Variants in THRAP3 observed in about 807,000 individuals in gnomAD.
The protein encoded by THRAP3 is thyroid hormone receptor associated protein 3.
A neutral mutation model predicts 101.0 loss-of-function variants in THRAP3; 16 were observed. The ratio of observed to expected loss-of-function variants is 0.16; its 90% CI spans 0.11 to 0.24. THRAP3 has a LOEUF of 0.24. Among genes scored for constraint, THRAP3 ranks in the 10% least tolerant of loss-of-function variants. The pLI is 1.00. For synonymous variants in THRAP3, 407 were observed against 422.6 expected (o/e 0.96, Z 0.45); for missense variants, 989 against 1,202.7 (o/e 0.82, Z 2.63).
intron 2 of THRAP3, among the ~76,000 whole-genome samples, chr1:36,260,843 A>G (rs1315204009): frequency 1.3e-5 from 2 of 148,698 alleles, no homozygotes; most frequent in South Asian, 2.1e-4. Flanking sequence ...AAAAAAAGGC[A>G]CTCTGGTTAT....
chr1:36,273,014 C>T (rs1645610590), intron 2 of THRAP3, among the ~76,000 whole-genome samples: 1 of 152,140 alleles, frequency 6.6e-6, no homozygotes, highest in Non-Finnish European at 1.5e-5. Context: ...GAAGAGGAAG[C>T]GTGAAAGTGT....
chr1:36,271,174 G>T (rs1047101229), intron 2 of THRAP3, among the ~76,000 whole-genome samples: 3 of 152,126 alleles, frequency 2.0e-5, no homozygotes, highest in Non-Finnish European at 4.4e-5. Context: ...TGTAACTACA[G>T]ATTTCATATT....
At chr1:36,287,971 G>T in intron 4 of THRAP3, 1 of 971,346 alleles carries the variant, frequency 1.0e-6, no homozygotes, top group Non-Finnish European at 1.2e-6. Context: ...GGTCAAGAGG[G>T]ACTAACCCAG....
At position 36,268,290 on chromosome 1, in the gene THRAP3, CAG is replaced by C. The variant is rs372815840; in HGVS notation, c.-32+8808_-32+8809del. On this transcript the variant is annotated intron_variant, in intron 2 of 11. Coordinates refer to ENST00000354618, the MANE Select transcript of THRAP3 (RefSeq NM_005119.4). ...AGTTTAGTATGAATTTTCTGAGAATCAGATGACTCAGTGTGTTTTTTATCATC... is the reference window on the plus strand; with the variant it reads ...AGTTTAGTATGAATTTTCTGAGAATCATGACTCAGTGTGTTTTTTATCATC... Among the ~76,000 whole-genome samples the C allele has an allele frequency of 5.5e-3, 839 of 151,256 alleles. 9 individuals are homozygous for C. The highest frequency in any genetic ancestry group is 0.019 in the African/African-American group (784 of 41,168).
chr1:36,223,823 C>T (rs1309739210), upstream of THRAP3, among the ~76,000 whole-genome samples: 1 of 151,930 alleles, frequency 6.6e-6, no homozygotes, highest in Non-Finnish European at 1.5e-5. Flanking sequence ...CGAATGAGGT[C>T]ACACAATTAA....
At chr1:36,233,322 A>T (rs1185039289) in intron 1 of THRAP3, among the ~76,000 whole-genome samples, 1 of 151,364 alleles carries the variant, frequency 6.6e-6, no homozygotes, top group African/African-American at 2.4e-5. Context: ...CCTGGCTAAC[A>T]TGGTGAAACC....
chr1:36,301,071 C>T lies in THRAP3; in HGVS notation c.2489C>T (p.Ala830Val), dbSNP rs1386013671. ...CCAAGTGAAAGAGGAGGTGGCAGAG[C>T]TCGAGGAACCTTTGTAAGACCTTCC... ...VGPSERGGGR[A>V]RGTFQFRARG... Residue 830 changes from alanine to valine, a missense_variant, in exon 10 of 12, where the codon GCT becomes GTT. Coordinates refer to ENST00000354618, the MANE Select transcript of THRAP3 (RefSeq NM_005119.4). The T allele has an allele frequency of 1.2e-6, 2 of 1,614,116 alleles. No homozygotes were observed. The highest frequency in any genetic ancestry group is 1.7e-6 in the Non-Finnish European group (2 of 1,179,982).
chr1:36,293,028 C>CTTTTTTTTTTTTTTTTTTTTTTT lies in THRAP3; in HGVS notation c.2030+337_2030+338insTTTTTTTTTTTTTTTTTTTTTTT, dbSNP rs71053920. ...AGTAAATGCTAGTTTCTTTTCTTGT[C>CTTTTTTTTTTTTTTTTTTTTTTT]TTTTTTTTTTTTTTTTTTGAGATGG... On this transcript the variant is annotated intron_variant, in intron 7 of 11. Coordinates refer to ENST00000354618, the MANE Select transcript of THRAP3 (RefSeq NM_005119.4). 1.4e-4 allele frequency among the ~76,000 whole-genome samples: 12 copies of CTTTTTTTTTTTTTTTTTTTTTTT among 82,798 alleles called. 2 individuals carry two copies. The highest frequency in any genetic ancestry group is 1.8e-4 in the Non-Finnish European group (8 of 44,576). The allele number at this position is 82,798 out of a possible 152,430, so 54.3% of individuals were successfully genotyped here.
At chr1:36,293,746 G>A in intron 7 of THRAP3, 105 bp from the exon 8 acceptor site, 1 of 942,322 alleles carries the variant, frequency 1.1e-6, no homozygotes, top group South Asian at 1.5e-5. Flanking sequence ...GAAACGTAAG[G>A]AAAAATAATG....
Position 36,289,623 on chromosome 1 carries a change from C to T in THRAP3, c.1604C>T (p.Ser535Leu), listed in dbSNP as rs1395731676. Residue 535 changes from serine to leucine, a missense_variant, in exon 5 of 12, where the codon TCA becomes TTA. Ser to Leu is a moderately radical substitution (Grantham distance 145). Coordinates refer to ENST00000354618, the MANE Select transcript of THRAP3 (RefSeq NM_005119.4). Reference sequence around the variant, plus strand: ...AAAGCAGTCCAGGAGAAAAGCTCATCACCTCCCCCAAGAAAGACCTCTGAG... The same window carrying T: ...AAAGCAGTCCAGGAGAAAAGCTCATTACCTCCCCCAAGAAAGACCTCTGAG... ...AYKAVQEKSS[S>L]PPPRKTSESR... 1.9e-6 allele frequency: 3 copies of T among 1,614,078 alleles called. No individual in the cohort carries two copies. In the East Asian group the frequency reaches 6.7e-5, roughly 36 times the overall value.
chr1:36,236,484 C>T (rs942291785), intron 1 of THRAP3, among the ~76,000 whole-genome samples: 2 of 151,852 alleles, frequency 1.3e-5, no homozygotes, highest in Non-Finnish European at 2.9e-5. Context: ...TTTCCTCCTT[C>T]CTTCTCCCCA....
intron 1 of THRAP3, among the ~76,000 whole-genome samples, chr1:36,250,964 C>T (rs1391046130): frequency 5.3e-5 from 8 of 151,684 alleles, no homozygotes; most frequent in Admixed American, 5.3e-4. Flanking sequence ...TCAGGCTGGT[C>T]TTGAACTCCT....
intron 1 of THRAP3, among the ~76,000 whole-genome samples, chr1:36,231,041 A>G (rs1645022057): frequency 6.6e-6 from 1 of 151,960 alleles, no homozygotes; most frequent in Non-Finnish European, 1.5e-5. Flanking sequence ...ACTATTTTAT[A>G]CCTTTCTATT....
chr1:36,225,448 T>C (rs948080923), intron 1 of THRAP3: 3 of 152,232 alleles, frequency 2.0e-5, no homozygotes, highest in African/African-American at 7.2e-5. Context: ...TCAGTTTTCT[T>C]ATCACTAAAA....
At chr1:36,218,265 A>T in the THRAP3 span, among the ~76,000 whole-genome samples, 5 of 151,394 alleles carry the variant, frequency 3.3e-5, no homozygotes, top group Non-Finnish European at 5.9e-5. Context: ...GCTACTCGGG[A>T]GGCTGAGGCA....
At position 36,286,219 on chromosome 1, in the gene THRAP3, G is replaced by A. The variant is rs1367920413; in HGVS notation, c.138-149G>A. The A allele has an allele frequency of 1.8e-5, 13 of 706,646 alleles. No individual in the cohort carries two copies. The highest frequency in any genetic ancestry group is 5.4e-5 in the East Asian group (2 of 37,058). 43.8% of individuals were successfully genotyped at this position (706,646 alleles called of 1,614,324 possible). A position where few individuals can be genotyped will look rare whatever the true frequency, so the allele number is the denominator to read the frequency against. ...TTTTTGTACTTAGTAAGGGCCATAC[G>A]TAGTGGGATTAAATATTTGTGCCCT... On this transcript the variant is annotated intron_variant, in intron 3 of 11. Coordinates refer to ENST00000354618, the MANE Select transcript of THRAP3 (RefSeq NM_005119.4). This position sits in a 1 kb window ranked among gnomAD's most constrained non-coding sequence, Gnocchi z 5.5.
rs1417241684 is a variant in THRAP3 at position 36,289,684 on chromosome 1, C to T, written c.1665C>T (p.Pro555=). 6.2e-6 allele frequency: 10 copies of T among 1,614,020 alleles called. No homozygotes were observed. In the Admixed American group the frequency reaches 1.7e-4, roughly 27 times the overall value. ...RDKLGAKGDF[P]TGKSSFSITR... is the part of the protein sequence containing the mutation. ...AGCTGGGAGCGAAAGGAGATTTTCC[C>T]ACAGGAAAGTCTTCCTTTTCCATTA... The change falls in exon 5 of 12, where the codon CCC becomes CCT. Residue 555 remains proline, a synonymous_variant. Transcript: ENST00000354618.
intron 1 of THRAP3, chr1:36,224,935 C>G (rs901134888): frequency 6.6e-6 from 1 of 152,324 alleles, no homozygotes; most frequent in African/African-American, 2.4e-5. Context: ...GTGGCTGCCA[C>G]TCAGTAAATG....
At chr1:36,220,970 A>ATATATATATAT (rs1483311673), upstream of THRAP3, among the ~76,000 whole-genome samples, 1 of 128,426 alleles carries the variant, frequency 7.8e-6, no homozygotes, top group African/African-American at 3.3e-5. Context: ...AAAAAAAAAA[A>ATATATATATAT]AAATATATAT....
Sources: allele counts gnomAD v4.1 joint callset (sites outside exome capture counted in the v4.1 genomes callset), GRCh38; gene constraint gnomAD v4.1.1; non-coding constraint Gnocchi (gnomAD v3.1); transcripts MANE v1.5; gene names NCBI Gene and HGNC (gene_info 2026-07-23, HGNC 2026-07-21).